ELMO1: variants seen among roughly 807,000 people sequenced by gnomAD.
ELMO1 encodes engulfment and cell motility 1, also known as engulfment and cell motility protein 1.
A neutral mutation model predicts 98.9 loss-of-function variants in ELMO1; 26 were observed. The observed-to-expected ratio is 0.26, with a 90% confidence interval of 0.19 to 0.36. The LOEUF (loss-of-function observed/expected upper bound fraction) is 0.36, where lower values mean the gene tolerates loss of function less well. Ranked by LOEUF, ELMO1 falls within the 10% of genes least tolerant of loss-of-function variation. ELMO1 has a pLI of 1.00. For missense variants in ELMO1, 627 were observed against 935.2 expected (o/e 0.67, Z 4.30); for synonymous variants, 346 against 346.0 (o/e 1.00, Z 0.00).
intron 8 of ELMO1, among the ~76,000 whole-genome samples, chr7:37,232,692 G>A (rs1794243479): frequency 6.6e-6 from 1 of 152,148 alleles, no homozygotes; most frequent in African/African-American, 2.4e-5. Flanking sequence ...TTCAAACCTA[G>A]GTGTGCAGGT....
At chr7:37,244,994 C>T (rs1794927038) in intron 6 of ELMO1, among the ~76,000 whole-genome samples, 1 of 152,158 alleles carries the variant, frequency 6.6e-6, no homozygotes, top group Non-Finnish European at 1.5e-5. Flanking sequence ...AAACTAGGCT[C>T]AAGAATATGA....
chr7:37,177,830 A>G (rs1217780918), intron 13 of ELMO1, among the ~76,000 whole-genome samples: 1 of 152,186 alleles, frequency 6.6e-6, no homozygotes, highest in African/African-American at 2.4e-5. Context: ...TAAAATCTGT[A>G]TCTATGTTAC....
chr7:37,276,796 G>A (rs1010949089), intron 4 of ELMO1, among the ~76,000 whole-genome samples: 6 of 152,118 alleles, frequency 3.9e-5, no homozygotes, highest in South Asian at 2.1e-4. Context: ...TAAGTTGACC[G>A]GCATGTCTAA....
At chr7:37,206,105 G>A (rs919420872) in intron 13 of ELMO1, among the ~76,000 whole-genome samples, 1 of 151,992 alleles carries the variant, frequency 6.6e-6, no homozygotes, top group African/African-American at 2.4e-5. Flanking sequence ...ATCTCTCACG[G>A]TGTCACAGAG....
chr7:37,292,679 C>A (rs1434467812), intron 4 of ELMO1, among the ~76,000 whole-genome samples: 1 of 108,634 alleles, frequency 9.2e-6, no homozygotes, highest in East Asian at 2.4e-4. Flanking sequence ...CAGCAGCCAC[C>A]CCGTCTGGGA....
At chr7:37,000,525 G>A (rs1297169493) in intron 16 of ELMO1, among the ~76,000 whole-genome samples, 1 of 152,168 alleles carries the variant, frequency 6.6e-6, no homozygotes, top group African/African-American at 2.4e-5. Context: ...TTCTAAGGGG[G>A]ATGCATTTTT....
chr7:37,072,280 G>A (rs1797317511), intron 15 of ELMO1, among the ~76,000 whole-genome samples: 1 of 152,076 alleles, frequency 6.6e-6, no homozygotes, highest in South Asian at 2.1e-4. Flanking sequence ...GAGCCTGGTG[G>A]GAAGTAATTG....
intron 16 of ELMO1, among the ~76,000 whole-genome samples, chr7:37,003,059 G>T (rs1402220907): frequency 6.6e-6 from 1 of 152,180 alleles, no homozygotes; most frequent in East Asian, 1.9e-4. Flanking sequence ...CTCCTACACA[G>T]TTGGCCTGAT....
chr7:37,427,753 C>T (rs971053721), intron 1 of ELMO1, among the ~76,000 whole-genome samples: 1 of 152,238 alleles, frequency 6.6e-6, no homozygotes, highest in Non-Finnish European at 1.5e-5. Context: ...GAGAAGGGAG[C>T]TGACAGCTCA....
At position 36,855,716 on chromosome 7, in the gene ELMO1, G is replaced by A. The variant is rs772830948; in HGVS notation, c.2019C>T (p.Leu673=). The change falls in exon 22 of 22, where the codon CTC becomes CTT. Residue 673 remains leucine, a synonymous_variant. Transcript: ENST00000310758. The surrounding 1 kb of genome is among the most constrained non-coding windows in gnomAD (Gnocchi z 4.2). The part of the protein sequence containing the change: ...CIWTDGLNAL[L]GKDMMSDLTR... Reference sequence around the variant, plus strand: ...TCAGGTCGCTCATCATGTCCTTCCCGAGTAGCGCATTCAGTCCATCCGTCC... The same window carrying A: ...TCAGGTCGCTCATCATGTCCTTCCCAAGTAGCGCATTCAGTCCATCCGTCC... 39 of 1,613,970 alleles carry A rather than the reference G, an allele frequency of 2.4e-5. No individual in the cohort carries two copies. Among genetic ancestry groups the A allele is most frequent in the Non-Finnish European group, 2.5e-5 (29 of 1,179,998 alleles).
chr7:36,855,806 A>G lies in ELMO1; in HGVS notation c.1984-55T>C. The G allele has an allele frequency of 6.3e-7, 1 of 1,592,914 alleles. No homozygotes were observed. The highest frequency in any genetic ancestry group is 1.1e-5 in the South Asian group (1 of 90,298). ...TACTGGTGGCAATTACAGAAGTATT[A>G]ATAGTAAAAATAGCTAACAGTGAAT... On this transcript the variant is annotated intron_variant, in intron 21 of 21. Coordinates refer to ENST00000310758, the MANE Select transcript of ELMO1 (RefSeq NM_014800.11). The surrounding 1 kb of genome is among the most constrained non-coding windows in gnomAD (Gnocchi z 4.2).
At chr7:37,256,733 AAGGGAAGGG>A (rs1795679994) in intron 6 of ELMO1, among the ~76,000 whole-genome samples, 1 of 48,486 alleles carries the variant, frequency 2.1e-5, no homozygotes, top group Non-Finnish European at 3.4e-5. Context: ...GGGGGAAGGG[AAGGGAAGGG>A]AAGGGAAGGG....
At chr7:37,314,753 A>C (rs1394115442) in intron 4 of ELMO1, 97 bp downstream of exon 4, 13 of 1,152,432 alleles carry the variant, frequency 1.1e-5, no homozygotes, top group African/African-American at 1.6e-5. Flanking sequence ...GAGACCTAAA[A>C]TTTAGACCTG....
chr7:37,394,422 A>G (rs1025602824), intron 1 of ELMO1, among the ~76,000 whole-genome samples: 3 of 152,188 alleles, frequency 2.0e-5, no homozygotes, highest in Admixed American at 1.3e-4. Context: ...ACGGTCAGCA[A>G]GAGCCTACAC....
chr7:37,259,085 C>A, intron 6 of ELMO1, 96 bp downstream of exon 6: 1 of 1,395,882 alleles, frequency 7.2e-7, no homozygotes, highest in South Asian at 1.6e-5. Flanking sequence ...AGGCTCTGGT[C>A]TTTAAAACAG....
At chr7:37,365,033 C>T (rs1407990036) in intron 1 of ELMO1, among the ~76,000 whole-genome samples, 2 of 152,200 alleles carry the variant, frequency 1.3e-5, no homozygotes, top group East Asian at 3.8e-4. Context: ...CACCCCCACA[C>T]GTTTCCATCT....
chr7:36,903,076 G>T (rs528588810), intron 16 of ELMO1, among the ~76,000 whole-genome samples: 97 of 152,174 alleles, frequency 6.4e-4, no homozygotes, highest in Non-Finnish European at 4.4e-4. Context: ...CCTCTCCAAT[G>T]CATTGCCGTC....
At chr7:36,898,108 A>G (rs939407622) in intron 16 of ELMO1, among the ~76,000 whole-genome samples, 2 of 152,260 alleles carry the variant, frequency 1.3e-5, no homozygotes, top group Non-Finnish European at 2.9e-5. Flanking sequence ...AAAGAGTTAC[A>G]TAAGTCAAAC....
intron 17 of ELMO1, among the ~76,000 whole-genome samples, chr7:36,890,239 T>A (rs1805435788): frequency 6.6e-6 from 1 of 152,088 alleles, no homozygotes. Context: ...ATTTAAAGAG[T>A]GTGTGAAGAG....
Sources: allele counts gnomAD v4.1 joint callset (sites outside exome capture counted in the v4.1 genomes callset), GRCh38; gene constraint gnomAD v4.1.1; non-coding constraint Gnocchi (gnomAD v3.1); transcripts MANE v1.5; gene names NCBI Gene and HGNC (gene_info 2026-07-23, HGNC 2026-07-21).